The following MUC22 variants were observed in gnomAD, a reference collection of about 807,000 sequenced individuals.
MUC22 encodes mucin 22, also known as mucin-22.
MUC22 carries 24 observed loss-of-function variants against 40.3 expected under a neutral mutation model. The ratio of observed to expected loss-of-function variants is 0.60; its 90% CI spans 0.43 to 0.84. MUC22 has a LOEUF of 0.84. Among genes scored for constraint, MUC22 ranks in the 40% least tolerant of loss-of-function variants. The pLI is 0.00. For missense variants in MUC22, 1,926 were observed against 2,130.7 expected (o/e 0.90, Z 1.89); for synonymous variants, 765 against 844.5 (o/e 0.91, Z 1.63).
chr6:31,033,939 C>A (rs1231558672), intron 3 of MUC22, among the ~76,000 whole-genome samples: 1 of 152,178 alleles, frequency 6.6e-6, no homozygotes, highest in Non-Finnish European at 1.5e-5. Context: ...ATAATAAATA[C>A]CAGCATCTAA....
chr6:31,016,088 G>A (rs73727156), intron 1 of MUC22, among the ~76,000 whole-genome samples: 17,032 of 145,100 alleles, frequency 0.12, 1,163 homozygotes, highest in African/African-American at 0.17. Context: ...TTTTCAAAGA[G>A]ATCTTTTTTT....
chr6:31,012,464 C>G (rs9468858), intron 1 of MUC22, among the ~76,000 whole-genome samples: 2,291 of 152,314 alleles, frequency 0.015, 27 homozygotes, highest in African/African-American at 0.022. Context: ...CAAGAGTCCC[C>G]TTACCTCAGA....
intron 2 of MUC22, 71 bp downstream of exon 2, chr6:31,030,171 T>C: frequency 7.0e-7 from 1 of 1,419,942 alleles, no homozygotes; most frequent in South Asian, 1.4e-5. Context: ...TGTTCACCTG[T>C]TTCTATCATC....
At chr6:31,006,942 A>G (rs1235970361), upstream of MUC22, among the ~76,000 whole-genome samples, 1 of 152,116 alleles carries the variant, frequency 6.6e-6, no homozygotes, top group African/African-American at 2.4e-5. Context: ...TGAGCCCAAG[A>G]GTTCAACACC....
rs187853481 is a variant in MUC22 at position 31,028,812 on chromosome 6, A to T, written c.3381A>T (p.Thr1127=). 1,009 of 1,531,800 alleles carry T rather than the reference A, an allele frequency of 6.6e-4. 31 individuals carry two copies. In the Admixed American group the frequency reaches 0.02, roughly 30 times the overall value. 94.9% of individuals were successfully genotyped at this position (1,531,800 alleles called of 1,614,324 possible). The change falls in exon 2 of 4, where the codon ACA becomes ACT. Residue 1127 remains threonine (T), a synonymous_variant. Coordinates refer to ENST00000561890, the Ensembl canonical transcript of MUC22. ...CTACTGAAAGCTCTGAGACCACTAC[A>T]GCCACTACCATAGGCTCTGAGACCA...
intron 1 of MUC22, among the ~76,000 whole-genome samples, chr6:31,022,501 T>C (rs901990569): frequency 6.6e-6 from 1 of 152,004 alleles, no homozygotes; most frequent in Admixed American, 6.6e-5. Context: ...AGAAAAAATT[T>C]AGATCTATGC....
exon 2 of MUC22, chr6:31,025,813 A>G (rs12179536): frequency 0.18 from 277,172 of 1,534,794 alleles, 27,891 homozygotes; most frequent in South Asian, 0.32. Context: ...CTCTGAAACT[A>G]TCGTGGCCTC....
chr6:31,027,349 A>G, exon 2 of MUC22: 1 of 1,533,264 alleles, frequency 6.5e-7, no homozygotes, highest in African/African-American at 1.4e-5. Context: ...CACAGCTTCC[A>G]CTGAAGGCTC....
chr6:31,034,686 C>T (rs1325246954), exon 4 of MUC22: 9 of 1,531,156 alleles, frequency 5.9e-6, no homozygotes, highest in Admixed American at 2.0e-5. Context: ...ACCTTTTCTT[C>T]CCCCTGAGAT....
At position 31,030,022 on chromosome 6, in the gene MUC22, A is replaced by C. The variant is rs910251034; in HGVS notation, c.4591A>C (p.Thr1531Pro). ...TTCTGGGGCCACTGCAGCCTCCACC[A>C]CTGTCTCTTCCACCACGTTTGTACT... The change falls in exon 2 of 4, where the codon ACT (threonine) becomes CCT (proline). Residue 1531 changes from threonine (T) to proline (P), a missense_variant. Thr to Pro is a conservative substitution (Grantham distance 38). Coordinates refer to ENST00000561890, the Ensembl canonical transcript of MUC22. 8.5e-6 allele frequency: 13 copies of C among 1,535,592 alleles called. No homozygotes were observed. The African/African-American group carries it at 1.5e-4, about 18-fold the overall frequency.
At chr6:31,029,092 A>G (rs770908541) in exon 2 of MUC22, 7 of 1,524,544 alleles carry the variant, frequency 4.6e-6, no homozygotes, top group East Asian at 2.5e-5. Flanking sequence ...AGTCACTACT[A>G]TGGGCTCTGA....
chr6:31,025,771 G>A (rs1261324739), exon 2 of MUC22: 1 of 1,532,084 alleles, frequency 6.5e-7, no homozygotes, highest in Non-Finnish European at 8.7e-7. Context: ...CTTCACCACA[G>A]GCTCTGACAC....
At chr6:31,025,758 G>A in exon 2 of MUC22, 1 of 1,527,816 alleles carries the variant, frequency 6.5e-7, no homozygotes, top group South Asian at 1.2e-5. Flanking sequence ...CCTCCACTAG[G>A]ACCTTCACCA....
At chr6:31,019,814 A>G (rs1764539075) in intron 1 of MUC22, among the ~76,000 whole-genome samples, 1 of 152,180 alleles carries the variant, frequency 6.6e-6, no homozygotes, top group South Asian at 2.1e-4. Context: ...AGATAGCACC[A>G]CTGCACTCCA....
chr6:31,027,133 G>A (rs1022253979), exon 2 of MUC22: 12 of 1,496,976 alleles, frequency 8.0e-6, no homozygotes, highest in Non-Finnish European at 9.8e-6. Flanking sequence ...GACCACCAAG[G>A]TCTCCACTGC....
exon 2 of MUC22, chr6:31,027,208 T>C: frequency 6.7e-7 from 1 of 1,503,324 alleles, no homozygotes; most frequent in Non-Finnish European, 8.9e-7. Flanking sequence ...TACCGTAGGC[T>C]CTGAGACCAC....
intron 1 of MUC22, among the ~76,000 whole-genome samples, chr6:31,016,288 T>C (rs923859827): frequency 1.3e-5 from 2 of 152,242 alleles, no homozygotes; most frequent in East Asian, 3.8e-4. Flanking sequence ...TTTTCTCAAA[T>C]ATCTGGTAAT....
chr6:31,025,505 C>G, exon 2 of MUC22: 2 of 1,493,624 alleles, frequency 1.3e-6, no homozygotes, highest in Non-Finnish European at 1.8e-6. Context: ...ACCTCAGGCT[C>G]TGAGAATACC....
chr6:31,032,745 G>C lies in MUC22; in HGVS notation c.5055+164G>C, dbSNP rs1766162132. On this transcript the variant is annotated intron_variant, in intron 3 of 3. Transcript: ENST00000561890. This position sits in a 1 kb window ranked among gnomAD's most constrained non-coding sequence, Gnocchi z 4.1. ...TATAAGGACCAGAGAGAATGCTTAA[G>C]TCAGAGAAAGTGAGAAGCAAAGTAG... Among the ~76,000 whole-genome samples, 2 of 152,170 alleles carry C rather than the reference G, an allele frequency of 1.3e-5. No homozygotes were observed. Among genetic ancestry groups the C allele is most frequent in the Non-Finnish European group, 2.9e-5 (2 of 68,032 alleles).
Sources: gnomAD v4.1 joint callset for allele counts (sites outside exome capture counted in the v4.1 genomes callset) on GRCh38, gnomAD v4.1.1 for gene constraint, Gnocchi (gnomAD v3.1) non-coding constraint, MANE v1.5 for transcripts, NCBI Gene and HGNC (gene_info 2026-07-23, HGNC 2026-07-21) for gene names.